The following ZNF75D variants were observed in gnomAD, a reference collection of about 807,000 sequenced individuals.
ZNF75D encodes zinc finger protein 75.
A neutral mutation model predicts 33.3 loss-of-function variants in ZNF75D; 33 were observed. That is an observed-to-expected ratio of 0.99 (90% CI 0.75 to 1.32). The LOEUF is 1.32. Ranked by LOEUF, ZNF75D falls within the 40% of genes most tolerant of loss-of-function variation. ZNF75D has a pLI of 0.00. For synonymous variants in ZNF75D, 113 were observed against 130.6 expected, an observed-to-expected ratio of 0.87 and a Z score of 0.92; for missense variants, 338 against 367.5, an observed-to-expected ratio of 0.92 and a Z score of 0.66.
chrX:135,307,798 T>A lies in ZNF75D; in HGVS notation c.-390-11759A>T, dbSNP rs782684574. 7.1e-5 allele frequency among the ~76,000 whole-genome samples: 8 copies of A among 111,993 alleles called. No homozygotes were observed. In the South Asian group the frequency reaches 3.0e-3, roughly 42 times the overall value. ...CACTCCATTTACATGAACTGTGTAT[T>A]ATAGAGGGAGTAATTGCAGAGTCAT... On this transcript the variant is annotated intron_variant, in intron 1 of 6. Transcript: ENST00000370766.
Position 135,344,057 on chromosome X carries a change from G to A in ZNF75D, c.-2680C>T, listed in dbSNP as rs1011687529. The A allele has an allele frequency of 1.8e-5, 2 of 112,275 alleles. No individual in the cohort carries two copies. Among genetic ancestry groups the A allele is most frequent in the Non-Finnish European group, 3.8e-5 (2 of 53,219 alleles). 9.3% of individuals were successfully genotyped at this position (112,275 alleles called of 1,213,427 possible). On this transcript the variant is annotated 5_prime_UTR_variant, in exon 1 of 7. Coordinates refer to ENST00000370766, the MANE Select transcript of ZNF75D (RefSeq NM_007131.5). Reference sequence around the variant, plus strand: ...TTTGTCAGCTTAGGACCAACGTTAGGGCTGCGTTTCCCGAACGACACCATT... The same window carrying A: ...TTTGTCAGCTTAGGACCAACGTTAGAGCTGCGTTTCCCGAACGACACCATT...
At chrX:135,256,684 T>C (rs1257789899) in intron 1 of ZNF75D, among the ~76,000 whole-genome samples, 1 of 111,166 alleles carries the variant, frequency 9.0e-6, no homozygotes, top group East Asian at 2.8e-4. Flanking sequence ...CCTTGTGCCA[T>C]CCCTCCTCCA....
Position 135,291,043 on chromosome X carries a change from T to G in ZNF75D, c.789A>C (p.Val263=), listed in dbSNP as rs1415916378. 2.1e-5 allele frequency: 25 copies of G among 1,205,905 alleles called. No individual in the cohort carries two copies. Among genetic ancestry groups the G allele is most frequent in the Non-Finnish European group, 2.8e-5 (25 of 891,208 alleles). Residue 263 remains valine (V), a synonymous_variant, in exon 6 of 7, where the codon GTA becomes GTC. Coordinates refer to ENST00000370766, the MANE Select transcript of ZNF75D (RefSeq NM_007131.5). ...NPLEKTLYND[V]MQDIYETVIS... is the part of the protein sequence containing the mutation. ...TGACAGTCTCATAGATATCCTGCAT[T>G]ACATCATTGTAGAGAGTCTTCTCAA...
At chrX:135,285,281 C>G (rs1556419110), downstream of ZNF75D, among the ~76,000 whole-genome samples, 1 of 111,925 alleles carries the variant, frequency 8.9e-6, no homozygotes, top group Non-Finnish European at 1.9e-5. Flanking sequence ...TAGCCATCAC[C>G]TCCCCTCCAT....
intron 5 of ZNF75D, 118 bp from the exon 6 acceptor site, chrX:135,291,253 G>T (rs1556421175): frequency 4.2e-6 from 4 of 948,217 alleles, no homozygotes; most frequent in Non-Finnish European, 5.9e-6. Flanking sequence ...AAGATTTAGG[G>T]GAAAAAAGTG....
At chrX:135,274,375 T>C (rs1166847476) in intron 1 of ZNF75D, among the ~76,000 whole-genome samples, 1 of 112,233 alleles carries the variant, frequency 8.9e-6, no homozygotes, top group East Asian at 2.8e-4. Context: ...GGATTTTATA[T>C]TTGTCTCTGC....
At chrX:135,333,106 CAG>C (rs1242099828) in intron 1 of ZNF75D, among the ~76,000 whole-genome samples, 6 of 108,347 alleles carry the variant, frequency 5.5e-5, no homozygotes, top group Non-Finnish European at 3.9e-5. Context: ...GAGAGAGAGG[CAG>C]AGAGAGAGAG....
Position 135,293,973 on chromosome X carries a change from A to G in ZNF75D, c.168T>C (p.Arg56=), listed in dbSNP as rs782085238. The G allele has an allele frequency of 8.3e-7, 1 of 1,210,405 alleles. No individual in the cohort carries two copies. Among genetic ancestry groups the G allele is most frequent in the African/African-American group, 1.7e-5 (1 of 57,338 alleles). The part of the protein sequence containing the change: ...ESACRHFWSF[R]YHEATGPLET... ...CAAGCGGTCCGGTTGCTTCATGATAACGGAAGCTCCAGAAGTGCCTGCAAG... is the reference window on the plus strand; with the variant it reads ...CAAGCGGTCCGGTTGCTTCATGATAGCGGAAGCTCCAGAAGTGCCTGCAAG... The change falls in exon 3 of 7, where the codon CGT becomes CGC. Residue 56 remains arginine (R), a synonymous_variant. Coordinates refer to ENST00000370766, the MANE Select transcript of ZNF75D (RefSeq NM_007131.5).
At chrX:135,278,700 G>C (rs1445473390) in intron 1 of ZNF75D, among the ~76,000 whole-genome samples, 1 of 111,320 alleles carries the variant, frequency 9.0e-6, no homozygotes, top group Non-Finnish European at 1.9e-5. Context: ...TAGCACAAAG[G>C]AGTGTTGAAT....
At chrX:135,327,741 T>C (rs912516437) in intron 1 of ZNF75D, 4 of 112,037 alleles carry the variant, frequency 3.6e-5, no homozygotes, top group Non-Finnish European at 7.5e-5. Flanking sequence ...TTAACAGTAT[T>C]CATTGCATTT....
intron 1 of ZNF75D, among the ~76,000 whole-genome samples, chrX:135,336,208 G>C (rs1251381140): frequency 9.0e-6 from 1 of 111,472 alleles, no homozygotes; most frequent in East Asian, 2.8e-4. Context: ...TGAAGATGCA[G>C]CAAGAAGGCA....
intron 1 of ZNF75D, among the ~76,000 whole-genome samples, chrX:135,310,411 T>C (rs1220017479): frequency 2.7e-5 from 3 of 111,911 alleles, no homozygotes; most frequent in Admixed American, 1.9e-4. Context: ...ATGTGCACAA[T>C]TGGTGACTGA....
At chrX:135,283,756 G>C (rs115138465), downstream of ZNF75D, among the ~76,000 whole-genome samples, 40 of 111,852 alleles carry the variant, frequency 3.6e-4, no homozygotes, top group African/African-American at 1.2e-3. Context: ...AGGAGGAAGA[G>C]GTTTCTTGGG....
chrX:135,321,613 T>C (rs1285981919), intron 1 of ZNF75D, among the ~76,000 whole-genome samples: 3 of 111,962 alleles, frequency 2.7e-5, no homozygotes, highest in Admixed American at 1.9e-4. Context: ...AAGGAGCTCA[T>C]GTCTAATGGC....
At chrX:135,321,515 G>C (rs2084495492) in intron 1 of ZNF75D, among the ~76,000 whole-genome samples, 1 of 111,919 alleles carries the variant, frequency 8.9e-6, no homozygotes, top group Non-Finnish European at 1.9e-5. Context: ...CATGTGCACA[G>C]TGGAGGGATT....
intron 1 of ZNF75D, among the ~76,000 whole-genome samples, chrX:135,322,061 G>T (rs903044481): frequency 2.7e-5 from 3 of 112,124 alleles, no homozygotes; most frequent in Non-Finnish European, 5.6e-5. Context: ...TCAAGCCTTT[G>T]TCAATTAATC....
At chrX:135,265,134 G>A (rs868952450) in intron 1 of ZNF75D, among the ~76,000 whole-genome samples, 2 of 109,756 alleles carry the variant, frequency 1.8e-5, no homozygotes, top group African/African-American at 3.3e-5. Context: ...CAGAGGAATC[G>A]CTTGAACCCG....
In ZNF75D at chrX:135,294,048, A is replaced by C. The variant is rs1434142937; in HGVS notation, c.93T>G (p.Ser31Arg). The change falls in exon 3 of 7, where the codon AGT (serine) becomes AGG (arginine). Residue 31 changes from serine to arginine, a missense_variant. Coordinates refer to ENST00000370766, the MANE Select transcript of ZNF75D (RefSeq NM_007131.5). ...TTTTTGTGCTGTATTTCTTACTCTG[A>C]CTGGAGTTCTCTTTCACAGACCCAC... ...ETSGSVKENS[S>R]QSKKYSTKIE... is the part of the protein sequence containing the mutation. 2.5e-6 allele frequency: 3 copies of C among 1,209,388 alleles called. No individual in the cohort carries two copies. Among genetic ancestry groups the C allele is most frequent in the Non-Finnish European group, 3.4e-6 (3 of 894,524 alleles).
chrX:135,259,057 T>C (rs2083825757), intron 1 of ZNF75D, among the ~76,000 whole-genome samples: 2 of 112,323 alleles, frequency 1.8e-5, no homozygotes, highest in Admixed American at 1.9e-4. Context: ...AGGGAATCCT[T>C]TCCCCATTTC....
Sources: gnomAD v4.1 joint callset for allele counts (sites outside exome capture counted in the v4.1 genomes callset) on GRCh38, gnomAD v4.1.1 for gene constraint, MANE v1.5 for transcripts, NCBI Gene and HGNC (gene_info 2026-07-23, HGNC 2026-07-21) for gene names.